The following RPS6KL1 variants were observed in gnomAD, a reference collection of about 807,000 sequenced individuals.
RPS6KL1 encodes the protein ribosomal protein S6 kinase-like 1.
In RPS6KL1, 41 loss-of-function variants were observed where a neutral mutation model predicts 57.0. The observed-to-expected ratio is 0.72, with a 90% CI of 0.56 to 0.93. The LOEUF is 0.93. RPS6KL1 is among the 40% of genes least tolerant of loss of function. The probability of loss-of-function intolerance (pLI) is 0.00; values close to 1 mark genes in which losing one functional copy is unlikely to be tolerated. For synonymous variants in RPS6KL1, 287 were observed against 309.7 expected (o/e 0.93, Z 0.77); for missense variants, 697 against 727.7 (o/e 0.96, Z 0.49).
chr14:74,921,238 T>TTCCCCCCCCCCCCCCCCCCCCCCCC, intron 3 of RPS6KL1, 39 bp downstream of exon 3: 1 of 840,166 alleles, frequency 1.2e-6, no homozygotes, highest in Non-Finnish European at 2.0e-6. Flanking sequence ...CACTGGCCCT[T>TTCCCCCCCCCCCCCCCCCCCCCCCC]CCCCACCCAC....
chr14:74,922,108 C>T lies in RPS6KL1; in HGVS notation c.-151G>A, dbSNP rs1887957080. ...CTCTGTTTTCCTTTCCAGTCAAATT[C>T]AGTTCAGCAAACATTTCTGGAGCAT... On this transcript the variant is annotated 5_prime_UTR_variant, in exon 2 of 12. It removes the in-frame stop codon of an upstream open reading frame in the 5' UTR. Coordinates refer to ENST00000557413, the MANE Select transcript of RPS6KL1 (RefSeq NM_031464.5). The T allele has an allele frequency of 1.2e-6, 1 of 851,992 alleles. No individual in the cohort carries two copies. Among genetic ancestry groups the T allele is most frequent in the Non-Finnish European group, 1.4e-6 (1 of 703,554 alleles). 52.8% of individuals were successfully genotyped at this position (851,992 alleles called of 1,614,324 possible).
At chr14:74,918,728 T>G (rs1594948360) in intron 4 of RPS6KL1, 123 bp from the exon 5 acceptor site, 1 of 694,652 alleles carries the variant, frequency 1.4e-6, no homozygotes, top group South Asian at 2.0e-5. Flanking sequence ...AGGGCAGGGG[T>G]ATAGGCAGGC....
In RPS6KL1 at chr14:74,914,642, A is replaced by T. The variant is rs562546258; in HGVS notation, c.484-2801T>A. On this transcript the variant is annotated intron_variant, in intron 5 of 11. Transcript: ENST00000557413. ...CAGCAGGCATTTTCCCATTCATCCA[A>T]CCAAACAAGAAACTCCTTTTACTCA... 6.5e-4 allele frequency among the ~76,000 whole-genome samples: 99 copies of T among 152,338 alleles called. 1 individual carries two copies. Among genetic ancestry groups the T allele is most frequent in the Middle Eastern group, 3.4e-3 (1 of 294 alleles).
Position 74,911,726 on chromosome 14 carries a change from G to A in RPS6KL1, c.531+68C>T, listed in dbSNP as rs1011566239. 2.2e-5 allele frequency: 31 copies of A among 1,420,416 alleles called. No homozygotes were observed. In the African/African-American group the frequency reaches 4.1e-4, roughly 19 times the overall value. 88.0% of individuals were successfully genotyped at this position (1,420,416 alleles called of 1,614,324 possible). A position where few individuals can be genotyped will look rare whatever the true frequency, so the allele number is the denominator to read the frequency against. On this transcript the variant is annotated intron_variant, in intron 6 of 11. Coordinates refer to ENST00000557413, the MANE Select transcript of RPS6KL1 (RefSeq NM_031464.5). ...AGGCTTCAAATGCAGGTTCTGGGTA[G>A]GAGTTTCCAAGAGCCCTGAGAAAGA...
chr14:74,914,170 A>G (rs1255099575), intron 5 of RPS6KL1, among the ~76,000 whole-genome samples: 1 of 152,226 alleles, frequency 6.6e-6, no homozygotes, highest in Non-Finnish European at 1.5e-5. Context: ...GTCCTCTCCA[A>G]CCACCAGAGG....
At chr14:74,911,593 G>GTGTGTA (rs3081755) in intron 6 of RPS6KL1, 2 of 616,970 alleles carry the variant, frequency 3.2e-6, no homozygotes, top group African/African-American at 1.8e-5. Flanking sequence ...ATGTGTGTTT[G>GTGTGTA]TGTGTATGTG....
rs963931402 is a variant in RPS6KL1, at chr14:74,911,739, G to A, written c.531+55C>T. 6.8e-6 allele frequency: 10 copies of A among 1,477,198 alleles called. No individual in the cohort carries two copies. The African/African-American group carries it at 1.3e-4, about 19-fold the overall frequency. The allele number at this position is 1,477,198 out of a possible 1,614,324, so 91.5% of individuals were successfully genotyped here. A position where few individuals can be genotyped will look rare whatever the true frequency, so the allele number is the denominator to read the frequency against. ...AGGTTCTGGGTAGGAGTTTCCAAGA[G>A]CCCTGAGAAAGATCCAAGGGGAATG... On this transcript the variant is annotated intron_variant, in intron 6 of 11. Transcript: ENST00000557413.
At position 74,906,419 on chromosome 14, in the gene RPS6KL1, G is replaced by C. The variant is rs1884858917; in HGVS notation, c.*595C>G. The C allele has an allele frequency of 2.9e-6, 1 of 342,958 alleles. No homozygotes were observed. The highest frequency in any genetic ancestry group is 2.3e-5 in the African/African-American group (1 of 42,814). 21.2% of individuals were successfully genotyped at this position (342,958 alleles called of 1,614,324 possible). A position where few individuals can be genotyped will look rare whatever the true frequency, so the allele number is the denominator to read the frequency against. On this transcript the variant is annotated 3_prime_UTR_variant, in exon 12 of 12. Transcript: ENST00000557413. ...GTCAGGAATCGGGGGTGGGGGGGTGGGGGTGGGGGTCATCCTGTCCCCTAC... is the reference window on the plus strand; with the variant it reads ...GTCAGGAATCGGGGGTGGGGGGGTGCGGGTGGGGGTCATCCTGTCCCCTAC...
chr14:74,921,253 G>GCCCCCCCC, intron 3 of RPS6KL1, 24 bp downstream of exon 3: 1 of 633,356 alleles, frequency 1.6e-6, no homozygotes, highest in Non-Finnish European at 2.9e-6. Flanking sequence ...ACCCACCCCA[G>GCCCCCCCC]CCCTGCCCAG....
At position 74,906,844 on chromosome 14, in the gene RPS6KL1, G is replaced by A; in HGVS notation, c.*170C>T. On this transcript the variant is annotated 3_prime_UTR_variant, in exon 12 of 12. Coordinates refer to ENST00000557413, the MANE Select transcript of RPS6KL1 (RefSeq NM_031464.5). ...GCTTTTCCAGGAGCTGGCCCTTCCT[G>A]GGTGGTGGCCATAATTCTGAGGCCC... is the stretch of plus-strand genomic sequence containing the variant. The A allele has an allele frequency of 1.3e-6, 1 of 758,044 alleles. No homozygotes were observed. The highest frequency in any genetic ancestry group is 1.7e-5 in the African/African-American group (1 of 58,766). The allele number at this position is 758,044 out of a possible 1,614,324, so 47.0% of individuals were successfully genotyped here.
In RPS6KL1 at chr14:74,911,294, G is replaced by A; in HGVS notation, c.618C>T (p.Tyr206=). 6.2e-7 allele frequency: 1 copy of A among 1,612,806 alleles called. No individual in the cohort carries two copies. Among genetic ancestry groups the A allele is most frequent in the Non-Finnish European group, 8.5e-7 (1 of 1,180,000 alleles). Reference sequence around the variant, plus strand: ...GGAAGATGGAGTCCTCGCTCACAAAGTACCTGAGCAGCTTCGTCATGTAGG... The same window carrying A: ...GGAAGATGGAGTCCTCGCTCACAAAATACCTGAGCAGCTTCGTCATGTAGG... ...GVPYMTKLLR[Y]FVSEDSIFLH... Residue 206 remains tyrosine, a synonymous_variant, in exon 7 of 12, where the codon TAC becomes TAT. Transcript: ENST00000557413.
At position 74,909,610 on chromosome 14, in the gene RPS6KL1, C is replaced by T; in HGVS notation, c.1203G>A (p.Glu401=). The T allele has an allele frequency of 6.2e-7, 1 of 1,612,428 alleles. No homozygotes were observed. Residue 401 remains glutamate (E), a synonymous_variant, in exon 8 of 12, where the codon GAG becomes GAA. Coordinates refer to ENST00000557413, the MANE Select transcript of RPS6KL1 (RefSeq NM_031464.5). Reference sequence around the variant, plus strand: ...ACAGCACCCCCTGCTCGTGCAGCGCCTCCAGCGCTACCAGCATCTCTGCCG... The same window carrying T: ...ACAGCACCCCCTGCTCGTGCAGCGCTTCCAGCGCTACCAGCATCTCTGCCG... The part of the protein sequence containing the change: ...QWAAEMLVAL[E]ALHEQGVLCR...
chr14:74,910,152 G>T lies in RPS6KL1; in HGVS notation c.665-4C>A. 1 of 1,520,194 alleles carries T rather than the reference G, an allele frequency of 6.6e-7. No individual in the cohort carries two copies. The highest frequency in any genetic ancestry group is 8.8e-7 in the Non-Finnish European group (1 of 1,140,082). 94.2% of individuals were successfully genotyped at this position (1,520,194 alleles called of 1,614,324 possible). ...AGGTGGGACCAGAGAGTGCCTCCTG[G>T]GCCATGCAGAGGGAGCGGTGAGCGT... On this transcript the variant is annotated splice_region_variant and splice_polypyrimidine_tract_variant and intron_variant, in intron 7 of 11. Transcript: ENST00000557413.
chr14:74,915,605 T>A (rs1214765901), intron 5 of RPS6KL1, among the ~76,000 whole-genome samples: 1 of 152,206 alleles, frequency 6.6e-6, no homozygotes, highest in African/African-American at 2.4e-5. Context: ...GGGCCAGGCA[T>A]GTGAGCAAAT....
chr14:74,916,068 G>A (rs575242447), intron 5 of RPS6KL1, among the ~76,000 whole-genome samples: 73 of 152,242 alleles, frequency 4.8e-4, no homozygotes, highest in Admixed American at 1.5e-3. Flanking sequence ...CCTAACAGCC[G>A]GACACGTTAG....
rs111452775 is a variant in RPS6KL1 at position 74,922,218 on chromosome 14, G to A, written c.-261C>T. The A allele has an allele frequency of 2.0e-5, 20 of 987,110 alleles. No individual in the cohort carries two copies. The African/African-American group carries it at 2.8e-4, about 14-fold the overall frequency. The allele number at this position is 987,110 out of a possible 1,614,324, so 61.1% of individuals were successfully genotyped here. Reference sequence around the variant, plus strand: ...ACAGGGCCTCCGTAGAGCAAGCTTGGTATCCAGTACGCATTCAGCACATGG... The same window carrying A: ...ACAGGGCCTCCGTAGAGCAAGCTTGATATCCAGTACGCATTCAGCACATGG... On this transcript the variant is annotated 5_prime_UTR_variant, in exon 2 of 12. Transcript: ENST00000557413.
intron 5 of RPS6KL1, among the ~76,000 whole-genome samples, chr14:74,913,544 A>T (rs928690630): frequency 6.6e-6 from 1 of 152,158 alleles, no homozygotes; most frequent in African/African-American, 2.4e-5. Flanking sequence ...CAACAGAGAC[A>T]GACTCCATCT....
At chr14:74,914,054 C>G (rs1886457888) in intron 5 of RPS6KL1, among the ~76,000 whole-genome samples, 1 of 152,228 alleles carries the variant, frequency 6.6e-6, no homozygotes, top group African/African-American at 2.4e-5. Context: ...ACCAGGTGAC[C>G]CTGGCAATGG....
chr14:74,919,750 C>A (rs1221858725), intron 4 of RPS6KL1, 95 bp downstream of exon 4: 3 of 1,385,080 alleles, frequency 2.2e-6, no homozygotes, highest in Non-Finnish European at 3.0e-6. Context: ...CTCTGCCCTG[C>A]AGCCCAGGGC....
Sources: allele counts gnomAD v4.1 joint callset (sites outside exome capture counted in the v4.1 genomes callset), GRCh38; gene constraint gnomAD v4.1.1; transcripts MANE v1.5; gene names NCBI Gene and HGNC (gene_info 2026-07-23, HGNC 2026-07-21).